Variants in XPR1 observed in about 807,000 individuals in gnomAD.
The protein encoded by XPR1 is solute carrier family 53 member 1.
XPR1 carries 28 observed loss-of-function variants against 87.5 expected under a neutral mutation model. The ratio of observed to expected loss-of-function variants is 0.32; its 90% CI spans 0.24 to 0.44. The LOEUF is 0.44. XPR1 is among the 20% of genes least tolerant of loss of function. The pLI, the probability that XPR1 is intolerant of heterozygous loss-of-function variation, is 1.00. For synonymous variants in XPR1, 300 were observed against 306.1 expected, an observed-to-expected ratio of 0.98 and a Z score of 0.21; for missense variants, 559 against 862.3, an observed-to-expected ratio of 0.65 and a Z score of 4.41.
At chr1:180,731,536 A>G (rs192653673) in intron 2 of XPR1, among the ~76,000 whole-genome samples, 1 of 152,296 alleles carries the variant, frequency 6.6e-6, no homozygotes, top group East Asian at 1.9e-4. Flanking sequence ...TTCCTGAGGA[A>G]CTCAGATAAA....
chr1:180,801,520 G>A (rs958846120), intron 3 of XPR1, among the ~76,000 whole-genome samples: 3 of 152,170 alleles, frequency 2.0e-5, no homozygotes, highest in African/African-American at 7.2e-5. Flanking sequence ...TTAAGAAAAT[G>A]AAGGTCATGT....
intron 14 of XPR1, among the ~76,000 whole-genome samples, chr1:180,883,444 C>T (rs967108914): frequency 7.9e-5 from 12 of 152,138 alleles, no homozygotes; most frequent in Non-Finnish European, 1.5e-4. Flanking sequence ...TGCAGTGACT[C>T]ACACCTGTAA....
chr1:180,814,052 A>G (rs994601170), intron 7 of XPR1, among the ~76,000 whole-genome samples: 1 of 152,214 alleles, frequency 6.6e-6, no homozygotes, highest in Non-Finnish European at 1.5e-5. Flanking sequence ...TAAGTTCCCA[A>G]CACATTGTCA....
chr1:180,688,438 C>T (rs1427117601), intron 2 of XPR1, among the ~76,000 whole-genome samples: 1 of 151,852 alleles, frequency 6.6e-6, no homozygotes, highest in Non-Finnish European at 1.5e-5. Flanking sequence ...TTTTGTTATC[C>T]TTTTCTGCAG....
At chr1:180,793,852 T>A (rs1649473058) in intron 3 of XPR1, among the ~76,000 whole-genome samples, 1 of 152,288 alleles carries the variant, frequency 6.6e-6, no homozygotes, top group Non-Finnish European at 1.5e-5. Context: ...CTTTCTCTCC[T>A]TTTTTTCTCT....
At chr1:180,660,862 A>G (rs982969130) in intron 1 of XPR1, among the ~76,000 whole-genome samples, 1 of 152,202 alleles carries the variant, frequency 6.6e-6, no homozygotes, top group Non-Finnish European at 1.5e-5. Flanking sequence ...TATTAGGTCC[A>G]TTTGGTCTGT....
intron 1 of XPR1, among the ~76,000 whole-genome samples, chr1:180,659,431 C>T (rs1655683843): frequency 1.5e-5 from 2 of 133,904 alleles, no homozygotes; most frequent in Admixed American, 7.5e-5. Flanking sequence ...TTCCTTCCTT[C>T]CTTCCTTCTT....
intron 9 of XPR1, among the ~76,000 whole-genome samples, chr1:180,834,213 C>T (rs1178585912): frequency 6.6e-6 from 1 of 152,026 alleles, no homozygotes; most frequent in African/African-American, 2.4e-5. Context: ...TCCCAAGTAG[C>T]TGGGACTACA....
intron 2 of XPR1, among the ~76,000 whole-genome samples, chr1:180,784,987 T>A (rs1262971462): frequency 8.9e-6 from 1 of 112,208 alleles, no homozygotes; most frequent in African/African-American, 3.0e-5. Context: ...TTTTCGCCTG[T>A]TAGTTTTTTT....
chr1:180,823,629 G>T (rs995048925), intron 7 of XPR1, among the ~76,000 whole-genome samples: 2 of 152,160 alleles, frequency 1.3e-5, no homozygotes, highest in Admixed American at 1.3e-4. Flanking sequence ...GAATTGTGAG[G>T]CTAAGGTATC....
chr1:180,644,344 G>A (rs574102701), intron 1 of XPR1, among the ~76,000 whole-genome samples: 14 of 151,514 alleles, frequency 9.2e-5, no homozygotes, highest in Admixed American at 5.9e-4. Context: ...ATGTGCTGCC[G>A]TTGTTTTGAG....
intron 12 of XPR1, 45 bp from the exon 13 acceptor site, chr1:180,873,758 A>G (rs763547408): frequency 6.9e-6 from 11 of 1,600,346 alleles, no homozygotes; most frequent in African/African-American, 1.3e-5. Context: ...CCTATTTATG[A>G]GAAATGTGAT....
chr1:180,654,204 A>T (rs1327018529), intron 1 of XPR1, among the ~76,000 whole-genome samples: 1 of 151,554 alleles, frequency 6.6e-6, no homozygotes, highest in African/African-American at 2.4e-5. Flanking sequence ...TCATGGTCTC[A>T]GCTCTCGTGT....
chr1:180,663,899 C>T (rs528321400), intron 1 of XPR1, among the ~76,000 whole-genome samples: 1 of 152,280 alleles, frequency 6.6e-6, no homozygotes, highest in African/African-American at 2.4e-5. Context: ...GCAGAGGAGT[C>T]TCCCCATGTC....
chr1:180,769,199 A>C (rs1268010439), intron 2 of XPR1, among the ~76,000 whole-genome samples: 1 of 152,150 alleles, frequency 6.6e-6, no homozygotes, highest in Admixed American at 6.5e-5. Flanking sequence ...CATAGTAGTC[A>C]CATCATGGAG....
intron 2 of XPR1, among the ~76,000 whole-genome samples, chr1:180,738,420 C>A (rs947561072): frequency 1.3e-5 from 2 of 152,150 alleles, no homozygotes; most frequent in African/African-American, 4.8e-5. Flanking sequence ...TCATTTGATA[C>A]TGTTAGTATG....
Position 180,656,981 on chromosome 1 carries a change from C to T in XPR1, c.69+24711C>T, listed in dbSNP as rs557327021. Among the ~76,000 whole-genome samples the T allele has an allele frequency of 5.9e-5, 9 of 152,072 alleles. No homozygotes were observed. In the East Asian group the frequency reaches 1.7e-3, roughly 29 times the overall value. ...ATAGCGTTTGAGGGTTCCCTTTTCTCCACATCCTTGCCAGCATTTATTATT... is the reference window on the plus strand; with the variant it reads ...ATAGCGTTTGAGGGTTCCCTTTTCTTCACATCCTTGCCAGCATTTATTATT... On this transcript the variant is annotated intron_variant, in intron 1 of 14. Transcript: ENST00000367590.
chr1:180,754,998 A>G (rs998111605), intron 2 of XPR1, among the ~76,000 whole-genome samples: 1 of 152,160 alleles, frequency 6.6e-6, no homozygotes, highest in African/African-American at 2.4e-5. Flanking sequence ...GAATAAGGAA[A>G]TATGTTCAAA....
In XPR1 at chr1:180,886,237, A is replaced by G. The variant is rs748132907; in HGVS notation, c.*2171A>G. ...TTTGTACTTTAAAACTATGGGGGAA[A>G]TATCACTGGTCTGTCAAGAAACAGC... On this transcript the variant is annotated 3_prime_UTR_variant, in exon 15 of 15. Coordinates refer to ENST00000367590, the MANE Select transcript of XPR1 (RefSeq NM_004736.4). 2.0e-5 allele frequency: 3 copies of G among 152,242 alleles called. No homozygotes were observed. Among genetic ancestry groups the G allele is most frequent in the Non-Finnish European group, 4.4e-5 (3 of 68,046 alleles). The allele number at this position is 152,242 out of a possible 1,614,324, so 9.4% of individuals were successfully genotyped here.
Sources: allele counts gnomAD v4.1 joint callset (sites outside exome capture counted in the v4.1 genomes callset), GRCh38; gene constraint gnomAD v4.1.1; transcripts MANE v1.5; gene names NCBI Gene and HGNC (gene_info 2026-07-23, HGNC 2026-07-21).